NEURL4: variants seen among roughly 807,000 people sequenced by gnomAD.
NEURL4 encodes the protein neuralized E3 ubiquitin protein ligase 4.
NEURL4 carries 45 observed loss-of-function variants against 148.0 expected under a neutral mutation model. The ratio of observed to expected loss-of-function variants is 0.30; its 90% CI spans 0.24 to 0.39. The LOEUF (loss-of-function observed/expected upper bound fraction) is 0.39, where lower values mean the gene tolerates loss of function less well. Among genes scored for constraint, NEURL4 ranks in the 10% least tolerant of loss-of-function variants. NEURL4 has a pLI of 1.00. For synonymous variants in NEURL4, 854 were observed against 869.0 expected (o/e 0.98, Z 0.30); for missense variants, 1,776 against 2,144.0 (o/e 0.83, Z 3.39).
Position 7,324,615 on chromosome 17 carries a change from C to T in NEURL4, c.1814-135G>A. 2 of 1,077,766 alleles carry T rather than the reference C, an allele frequency of 1.9e-6. No individual in the cohort carries two copies. The highest frequency in any genetic ancestry group is 2.5e-5 in the East Asian group (1 of 39,574). The allele number at this position is 1,077,766 out of a possible 1,614,324, so 66.8% of individuals were successfully genotyped here. On this transcript the variant is annotated intron_variant, in intron 9 of 28. Coordinates refer to ENST00000399464, the MANE Select transcript of NEURL4 (RefSeq NM_032442.3). The surrounding 1 kb of genome is among the most constrained non-coding windows in gnomAD (Gnocchi z 5.9). The stretch of plus-strand genomic sequence containing the variant: ...TTGATGACTAGATTTCTTCCCTGAG[C>T]AGGACAAGAAAACTCTGCAGCTTCC...
Position 7,321,115 on chromosome 17 carries a change from C to A in NEURL4, c.3357G>T (p.Leu1119=), listed in dbSNP as rs571840756. 1 of 1,613,552 alleles carries A rather than the reference C, an allele frequency of 6.2e-7. No homozygotes were observed. The highest frequency in any genetic ancestry group is 2.2e-5 in the East Asian group (1 of 44,870). Residue 1119 remains leucine (L), a synonymous_variant, in exon 20 of 29, where the codon CTG becomes CTT. Transcript: ENST00000399464. The surrounding 1 kb of genome is among the most constrained non-coding windows in gnomAD (Gnocchi z 6.3). ...EEDDEGEEHG[L]GGQNEVGIIP... The stretch of plus-strand genomic sequence containing the variant: ...AGACCATGCTGCAGCCTCTTACTCC[C>A]AGGCCATGCTCCTCGCCCTCGTCAT...
In NEURL4 at chr17:7,324,164, T is replaced by C; in HGVS notation, c.2006A>G (p.Tyr669Cys). ...PAAWNVPPGV[Y>C]AVVDLYGQAA... ...CTGGCCATAGAGATCGACGACAGCATAGACGCCCGGGGGCACGTTCCAGGC... is the reference window on the plus strand; with the variant it reads ...CTGGCCATAGAGATCGACGACAGCACAGACGCCCGGGGGCACGTTCCAGGC... The change falls in exon 11 of 29, where the codon TAT (tyrosine) becomes TGT (cysteine). Residue 669 changes from tyrosine to cysteine, a missense_variant. Transcript: ENST00000399464. The surrounding 1 kb of genome is among the most constrained non-coding windows in gnomAD (Gnocchi z 5.9). 2 of 1,613,758 alleles carry C rather than the reference T, an allele frequency of 1.2e-6. No individual in the cohort carries two copies. Among genetic ancestry groups the C allele is most frequent in the Non-Finnish European group, 1.7e-6 (2 of 1,180,012 alleles).
chr17:7,317,547 G>A lies in NEURL4; in HGVS notation c.4232C>T (p.Thr1411Ile). The A allele has an allele frequency of 6.2e-7, 1 of 1,614,162 alleles. No individual in the cohort carries two copies. The highest frequency in any genetic ancestry group is 8.5e-7 in the Non-Finnish European group (1 of 1,180,006). Residue 1411 changes from threonine (T) to isoleucine (I), a missense_variant, in exon 27 of 29, where the codon ACA (threonine) becomes ATA (isoleucine). Physicochemically the swap from Thr to Ile is moderately conservative, Grantham distance 89. Transcript: ENST00000399464. ...LRVNPRLEAG[T>I]LTKKWHMAYH... ...TGCCATGTGCCACTTCTTGGTTAGT[G>A]TCCCAGCCTCCAGGCGGGGATTCAC...
Position 7,323,096 on chromosome 17 carries a change from G to A in NEURL4, c.2445C>T (p.Asn815=), listed in dbSNP as rs1344660819. 3.1e-6 allele frequency: 5 copies of A among 1,613,548 alleles called. No individual in the cohort carries two copies. The highest frequency in any genetic ancestry group is 3.4e-6 in the Non-Finnish European group (4 of 1,179,830). Residue 815 remains asparagine (N), a synonymous_variant, in exon 15 of 29, where the codon AAC becomes AAT. Transcript: ENST00000399464. ...LSGTAIMQDG[N]TMRNNYGCDL... Reference sequence around the variant, plus strand: ...CACACCCATAATTGTTGCGCATCGTGTTACCGTCTTGCATGATGGCTGTAC... The same window carrying A: ...CACACCCATAATTGTTGCGCATCGTATTACCGTCTTGCATGATGGCTGTAC...
At position 7,326,302 on chromosome 17, in the gene NEURL4, T is replaced by G; in HGVS notation, c.1246A>C (p.Lys416Gln). ...TCGCAGTACTCCCGGCGGGTGCCCT[T>G]GCCATTGGTCAGGATTCCACAGCCG... is the stretch of plus-strand genomic sequence containing the variant. ...MSGCGILTNG[K>Q]GTRREYCEFS... Residue 416 changes from lysine (K) to glutamine (Q), a missense_variant, in exon 6 of 29, where the codon AAG becomes CAG. Physicochemically the swap from Lys to Gln is moderately conservative, Grantham distance 53. Coordinates refer to ENST00000399464, the MANE Select transcript of NEURL4 (RefSeq NM_032442.3). This position sits in a 1 kb window ranked among gnomAD's most constrained non-coding sequence, Gnocchi z 6.0. 6.2e-7 allele frequency: 1 copy of G among 1,614,144 alleles called. No homozygotes were observed. The highest frequency in any genetic ancestry group is 8.5e-7 in the Non-Finnish European group (1 of 1,180,018).
chr17:7,319,640 C>T (rs1355695169), intron 21 of NEURL4, among the ~76,000 whole-genome samples: 7 of 146,032 alleles, frequency 4.8e-5, no homozygotes, highest in South Asian at 2.3e-4. Context: ...GTGGAGGTTG[C>T]GGTGAGCCGA....
At chr17:7,325,042 A>T in intron 8 of NEURL4, 62 bp from the exon 9 acceptor site, 1 of 1,591,136 alleles carries the variant, frequency 6.3e-7, no homozygotes, top group South Asian at 1.1e-5. Context: ...GCCAAGGCTT[A>T]GCCCAGCAAT....
chr17:7,325,145 G>GCA, intron 8 of NEURL4, 64 bp downstream of exon 8: 2 of 830,664 alleles, frequency 2.4e-6, no homozygotes, highest in Non-Finnish European at 1.8e-6. Context: ...CCACTTCCTT[G>GCA]CCCCGCCCCC....
Position 7,325,280 on chromosome 17 carries a change from G to A in NEURL4, c.1560C>T (p.Arg520=), listed in dbSNP as rs992129569. The change falls in exon 8 of 29, where the codon CGC becomes CGT. Residue 520 remains arginine, a synonymous_variant. Transcript: ENST00000399464. ...GCCCACAGTTGGGGTGGAAGAGCAG[G>A]CGCTCAGGTTCTGCCTGGGCGGCAG... The part of the protein sequence containing the change: ...AAPAAQAEPE[R]LLFHPNCGQK... The A allele has an allele frequency of 6.2e-7, 1 of 1,608,166 alleles. No homozygotes were observed. The highest frequency in any genetic ancestry group is 1.3e-5 in the African/African-American group (1 of 74,470).
rs2073118462 is a variant in NEURL4 at position 7,327,525 on chromosome 17, A to AG, written c.641dup (p.Thr215TyrfsTer15). The AG allele has an allele frequency of 6.2e-7, 1 of 1,605,802 alleles. No individual in the cohort carries two copies. On this transcript the variant is annotated frameshift_variant, in exon 2 of 29. Transcript: ENST00000399464. LOFTEE classifies it high-confidence loss of function. The surrounding 1 kb of genome is among the most constrained non-coding windows in gnomAD (Gnocchi z 6.6). ...CGAGGGGAGGTGTGGGGATGGGAGT[A>AG]GGGGGGCTGAAGCCTGGCTCAGGGG...
At chr17:7,317,623 A>G (rs2072967569) in intron 26 of NEURL4, 50 bp from the exon 27 acceptor site, 1 of 1,580,286 alleles carries the variant, frequency 6.3e-7, no homozygotes. Context: ...CTGACTCCCC[A>G]GTGGAGGAGC....
rs761811050 is a variant in NEURL4 at position 7,318,226 on chromosome 17, G to A, written c.3952+43C>T. ...GGAGCTGGGCTAGAAGGGTGAGGGTGGGGGAGTAGGGGCAGGAGCTGGGTC... is the reference window on the plus strand; with the variant it reads ...GGAGCTGGGCTAGAAGGGTGAGGGTAGGGGAGTAGGGGCAGGAGCTGGGTC... On this transcript the variant is annotated intron_variant, in intron 24 of 28. Coordinates refer to ENST00000399464, the MANE Select transcript of NEURL4 (RefSeq NM_032442.3). The surrounding 1 kb of genome is among the most constrained non-coding windows in gnomAD (Gnocchi z 4.3). The A allele has an allele frequency of 5.6e-6, 9 of 1,609,058 alleles. No individual in the cohort carries two copies. In the East Asian group the frequency reaches 1.1e-4, roughly 20 times the overall value.
At chr17:7,323,231 T>C in intron 14 of NEURL4, 108 bp from the exon 15 acceptor site, 3 of 1,241,814 alleles carry the variant, frequency 2.4e-6, no homozygotes, top group Non-Finnish European at 3.4e-6. Context: ...GCTGGTGTCT[T>C]GATCTGGGTG....
rs567394082 is a variant in NEURL4, at chr17:7,323,827, C to T, written c.2248G>A (p.Val750Ile). 19 of 1,614,082 alleles carry T rather than the reference C, an allele frequency of 1.2e-5. No homozygotes were observed. The highest frequency in any genetic ancestry group is 2.7e-5 in the African/African-American group (2 of 75,056). Residue 750 changes from valine to isoleucine, a missense_variant, in exon 12 of 29, where the codon GTC (valine) becomes ATC (isoleucine). Transcript: ENST00000399464. Reference protein sequence around the residue: ...NCRSEFNDAIVISNRALRDGE... With the variant: ...NCRSEFNDAIIISNRALRDGE... ...TGAGAGACTGACCGGTTGGAGATGA[C>T]GATGGCGTCATTAAACTCGCTGCGA...
Position 7,322,767 on chromosome 17 carries a change from G to T in NEURL4, c.2693C>A (p.Ala898Asp). The T allele has an allele frequency of 6.2e-7, 1 of 1,613,414 alleles. No individual in the cohort carries two copies. Among genetic ancestry groups the T allele is most frequent in the Non-Finnish European group, 8.5e-7 (1 of 1,179,962 alleles). The change falls in exon 16 of 29, where the codon GCC becomes GAC. Residue 898 changes from alanine (A) to aspartate (D), a missense_variant. By Grantham distance (126) the Ala-to-Asp change is moderately radical. Coordinates refer to ENST00000399464, the MANE Select transcript of NEURL4 (RefSeq NM_032442.3). The surrounding 1 kb of genome is among the most constrained non-coding windows in gnomAD (Gnocchi z 5.5). Reference protein sequence around the residue: ...MDNSLATSNTATEKSFPLHSP... With the variant: ...MDNSLATSNTDTEKSFPLHSP... ...GTGCAGTGGGAAGGACTTCTCGGTGGCAGTGTTGCTGGTCGCCAGGCTGTT... is the reference window on the plus strand; with the variant it reads ...GTGCAGTGGGAAGGACTTCTCGGTGTCAGTGTTGCTGGTCGCCAGGCTGTT...
rs771686827 is a variant in NEURL4 at position 7,329,112 on chromosome 17, G to C, written c.201C>G (p.Gly67=). 12 of 1,609,606 alleles carry C rather than the reference G, an allele frequency of 7.5e-6. No individual in the cohort carries two copies. In the African/African-American group the frequency reaches 1.5e-4, roughly 20 times the overall value. ...ACACCAGCCCGTGGTTAAACTCCTG[G>C]CCCGGCTGCTGCCGCCGCGCCGTAC... ...CGRTARRQQP[G]QEFNHGLVLS... The change falls in exon 1 of 29, where the codon GGC becomes GGG. Residue 67 remains glycine, a synonymous_variant. Transcript: ENST00000399464.
chr17:7,328,549 G>T (rs1445800992), intron 1 of NEURL4, among the ~76,000 whole-genome samples: 1 of 152,136 alleles, frequency 6.6e-6, no homozygotes, highest in Non-Finnish European at 1.5e-5. Flanking sequence ...GATTACAGGC[G>T]CACGCCACCA....
In NEURL4 at chr17:7,327,008, G is replaced by A. The variant is rs2073111525; in HGVS notation, c.795C>T (p.Asp265=). Residue 265 remains aspartate (D), a splice_region_variant and synonymous_variant, in exon 4 of 29, where the codon GAC becomes GAT. Transcript: ENST00000399464. This position sits in a 1 kb window ranked among gnomAD's most constrained non-coding sequence, Gnocchi z 6.6. Reference sequence around the variant, plus strand: ...CCTCAGACAGCTCCATGTTGGCAAAGTCTATAGCAGCAGGATGGAAGAAGG... The same window carrying A: ...CCTCAGACAGCTCCATGTTGGCAAAATCTATAGCAGCAGGATGGAAGAAGG... The part of the protein sequence containing the change: ...TFPNSLESHN[D]FANMELSEVV... 6.2e-7 allele frequency: 1 copy of A among 1,609,718 alleles called. No individual in the cohort carries two copies. The highest frequency in any genetic ancestry group is 1.3e-5 in the African/African-American group (1 of 74,892).
chr17:7,319,713 A>AAG (rs2073004090), intron 21 of NEURL4, among the ~76,000 whole-genome samples: 1 of 105,990 alleles, frequency 9.4e-6, no homozygotes, highest in Non-Finnish European at 2.1e-5. Flanking sequence ...AAAAAACAAA[A>AAG]AAACAAAAAA....
Sources: gnomAD v4.1 joint callset for allele counts (sites outside exome capture counted in the v4.1 genomes callset) on GRCh38, gnomAD v4.1.1 for gene constraint, Gnocchi (gnomAD v3.1) non-coding constraint, MANE v1.5 for transcripts, NCBI Gene and HGNC (gene_info 2026-07-23, HGNC 2026-07-21) for gene names.